The following PCSK5 variants were observed in gnomAD, a reference collection of about 807,000 sequenced individuals.
PCSK5 encodes the protein prohormone convertase 5.
PCSK5 carries 129 observed loss-of-function variants against 233.2 expected under a neutral mutation model. The ratio of observed to expected loss-of-function variants is 0.55; its 90% CI spans 0.48 to 0.64. The LOEUF is 0.64. PCSK5 is among the 30% of genes least tolerant of loss of function. PCSK5 has a pLI of 0.00. For synonymous variants in PCSK5, 825 were observed against 879.2 expected, an observed-to-expected ratio of 0.94 and a Z score of 1.09; for missense variants, 2,076 against 2,430.1, an observed-to-expected ratio of 0.85 and a Z score of 3.06.
At chr9:76,195,487 A>G (rs1189513633) in intron 20 of PCSK5, 4 of 152,206 alleles carry the variant, frequency 2.6e-5, no homozygotes, top group Admixed American at 2.6e-4. Flanking sequence ...CGTCGCGGAA[A>G]TACTGGTTTA....
At chr9:76,301,269 CA>C (rs35450863) in intron 27 of PCSK5, among the ~76,000 whole-genome samples, 131 of 128,992 alleles carry the variant, frequency 1.0e-3, no homozygotes, top group Non-Finnish European at 1.1e-3. Context: ...GCGACTCTCT[CA>C]AAAAAAAAAA....
intron 1 of PCSK5, among the ~76,000 whole-genome samples, chr9:75,913,323 C>T (rs1047075322): frequency 5.3e-5 from 8 of 152,124 alleles, no homozygotes; most frequent in Non-Finnish European, 1.2e-4. Flanking sequence ...TTTGATGCGT[C>T]GGTAGTCAGA....
chr9:76,315,144 G>A (rs1024792144), intron 30 of PCSK5, among the ~76,000 whole-genome samples: 2 of 151,830 alleles, frequency 1.3e-5, no homozygotes, highest in African/African-American at 4.8e-5. Context: ...AGTAGAGATG[G>A]GGTTTCACCA....
intron 28 of PCSK5, among the ~76,000 whole-genome samples, chr9:76,303,348 G>T (rs1828677409): frequency 6.6e-6 from 1 of 152,072 alleles, no homozygotes. Flanking sequence ...TGACATTACA[G>T]AATTTCATAC....
chr9:75,939,914 C>T (rs1473490066), intron 2 of PCSK5, among the ~76,000 whole-genome samples: 5 of 152,224 alleles, frequency 3.3e-5, no homozygotes, highest in Non-Finnish European at 5.9e-5. Context: ...CATCTTGTCG[C>T]TCCCTACGTT....
At chr9:76,039,517 A>G (rs1356511367) in intron 5 of PCSK5, among the ~76,000 whole-genome samples, 1 of 152,230 alleles carries the variant, frequency 6.6e-6, no homozygotes. Flanking sequence ...GTGTATGAGG[A>G]AGGGAGGCCC....
At chr9:76,140,304 T>C (rs1333180795) in intron 10 of PCSK5, among the ~76,000 whole-genome samples, 1 of 152,142 alleles carries the variant, frequency 6.6e-6, no homozygotes, top group Non-Finnish European at 1.5e-5. Flanking sequence ...CTTTAAATTC[T>C]AGAAGAAAGT....
chr9:76,148,671 C>T (rs925789057), intron 10 of PCSK5, among the ~76,000 whole-genome samples: 1 of 152,176 alleles, frequency 6.6e-6, no homozygotes, highest in Non-Finnish European at 1.5e-5. Context: ...ACTCCTTGGT[C>T]ACCTCCAGTT....
intron 23 of PCSK5, among the ~76,000 whole-genome samples, chr9:76,239,754 G>T (rs189043767): frequency 4.0e-5 from 6 of 151,866 alleles, no homozygotes; most frequent in African/African-American, 1.5e-4. Flanking sequence ...TGATCTTGGC[G>T]GGTGGGGGGA....
At chr9:76,179,068 CTG>C (rs1195078424) in intron 14 of PCSK5, among the ~76,000 whole-genome samples, 1 of 152,084 alleles carries the variant, frequency 6.6e-6, no homozygotes, top group African/African-American at 2.4e-5. Flanking sequence ...TTATCTGTGT[CTG>C]AGACTGGATG....
At chr9:76,253,840 G>C (rs1461318032) in intron 24 of PCSK5, among the ~76,000 whole-genome samples, 1 of 152,164 alleles carries the variant, frequency 6.6e-6, no homozygotes, top group Non-Finnish European at 1.5e-5. Flanking sequence ...GAGCAACCTT[G>C]TGCATAACTT....
At chr9:76,271,679 A>T (rs1827517509) in intron 24 of PCSK5, among the ~76,000 whole-genome samples, 1 of 152,170 alleles carries the variant, frequency 6.6e-6, no homozygotes, top group Admixed American at 6.5e-5. Context: ...CTAAAAAAAA[A>T]AAAATTAAAA....
intron 10 of PCSK5, among the ~76,000 whole-genome samples, chr9:76,138,807 AT>A (rs1198280533): frequency 6.6e-6 from 1 of 152,094 alleles, no homozygotes; most frequent in Non-Finnish European, 1.5e-5. Context: ...AATGAAAAAA[AT>A]GTCATTGAAA....
At chr9:76,008,916 G>A (rs1827599479) in intron 3 of PCSK5, among the ~76,000 whole-genome samples, 1 of 152,200 alleles carries the variant, frequency 6.6e-6, no homozygotes, top group Admixed American at 6.5e-5. Flanking sequence ...ATGTTAATTT[G>A]AATTTCAGAT....
intron 20 of PCSK5, among the ~76,000 whole-genome samples, chr9:76,217,945 ATC>A (rs755502840): frequency 2.0e-5 from 3 of 151,928 alleles, no homozygotes; most frequent in Non-Finnish European, 4.4e-5. Context: ...TTTCATTCTC[ATC>A]TGTTTATGTG....
chr9:76,016,578 T>C (rs1236996779), intron 3 of PCSK5, among the ~76,000 whole-genome samples: 1 of 152,220 alleles, frequency 6.6e-6, no homozygotes, highest in African/African-American at 2.4e-5. Flanking sequence ...GCATAAAACA[T>C]GGTTTAGCAC....
At chr9:75,890,361 C>T (rs1427714216), upstream of PCSK5, among the ~76,000 whole-genome samples, 1 of 152,118 alleles carries the variant, frequency 6.6e-6, no homozygotes, top group Non-Finnish European at 1.5e-5. Flanking sequence ...TAATTCGCAC[C>T]GGCGTGTAAA....
chr9:76,008,701 C>T lies in PCSK5; in HGVS notation c.412-15037C>T, dbSNP rs193133174. ...GGTCTCGATCTCCTGACCTCGTGAT[C>T]CACCTGCCTCAGCCTCCCAAAGTGC... On this transcript the variant is annotated intron_variant, in intron 3 of 37. Coordinates refer to ENST00000674117, the MANE Select transcript of PCSK5 (RefSeq NM_001372043.1). 7.2e-5 allele frequency among the ~76,000 whole-genome samples: 11 copies of T among 152,270 alleles called. No individual in the cohort carries two copies. The East Asian group carries it at 1.9e-3, about 27-fold the overall frequency.
chr9:76,087,275 C>T (rs572501379), intron 7 of PCSK5, among the ~76,000 whole-genome samples: 1 of 152,174 alleles, frequency 6.6e-6, no homozygotes, highest in Non-Finnish European at 1.5e-5. Flanking sequence ...GATGTTCTAC[C>T]AAATTTATAT....
Sources: allele counts gnomAD v4.1 joint callset (sites outside exome capture counted in the v4.1 genomes callset), GRCh38; gene constraint gnomAD v4.1.1; transcripts MANE v1.5; gene names NCBI Gene and HGNC (gene_info 2026-07-23, HGNC 2026-07-21).